The following TTC39C variants were observed in gnomAD, a reference collection of about 807,000 sequenced individuals.
The protein encoded by TTC39C is tetratricopeptide repeat domain 39C.
Under a neutral mutation model 76.3 loss-of-function variants are expected in TTC39C, and 33 were observed. That is an observed-to-expected ratio of 0.43 (90% CI 0.33 to 0.58). The LOEUF is 0.58. Among genes scored for constraint, TTC39C ranks in the 20% least tolerant of loss-of-function variants. TTC39C has a pLI of 0.04. For synonymous variants in TTC39C, 254 were observed against 260.6 expected (o/e 0.97, Z 0.24); for missense variants, 595 against 701.4 (o/e 0.85, Z 1.71).
intron 1 of TTC39C, among the ~76,000 whole-genome samples, chr18:24,024,004 A>ATTTTT (rs2083563205): frequency 6.2e-4 from 3 of 4,862 alleles, no homozygotes; most frequent in Non-Finnish European, 8.3e-4. Context: ...ATATATATAT[A>ATTTTT]TATATATATA....
At chr18:24,070,775 G>A (rs1443769344) in intron 4 of TTC39C, among the ~76,000 whole-genome samples, 1 of 151,828 alleles carries the variant, frequency 6.6e-6, no homozygotes, top group Non-Finnish European at 1.5e-5. Context: ...CATGGGAGGT[G>A]GGGGTTGCAG....
At chr18:24,073,156 T>C (rs2145745391) in intron 4 of TTC39C, among the ~76,000 whole-genome samples, 1 of 152,316 alleles carries the variant, frequency 6.6e-6, no homozygotes, top group African/African-American at 2.4e-5. Flanking sequence ...TGGGCTAGAA[T>C]AGTAGCCACA....
Position 24,107,887 on chromosome 18 carries a change from T to TG in TTC39C, c.985-6667_985-6666insG, listed in dbSNP as rs757849820. On this transcript the variant is annotated intron_variant, in intron 6 of 13. Transcript: ENST00000317571. ...AATCCTCCCACCACAGCCTCCCAAG[T>TG]AGGGGGGGGGGTACAGGCATGTGCC... 5.2e-3 allele frequency among the ~76,000 whole-genome samples: 314 copies of TG among 59,990 alleles called. 1 individual carries two copies. Among genetic ancestry groups the TG allele is most frequent in the Middle Eastern group, 0.028 (2 of 72 alleles). 39.4% of individuals were successfully genotyped at this position (59,990 alleles called of 152,430 possible).
At chr18:24,129,031 C>T (rs1378805716) in intron 11 of TTC39C, 48 bp downstream of exon 11, 1 of 1,448,906 alleles carries the variant, frequency 6.9e-7, no homozygotes, top group African/African-American at 1.4e-5. Context: ...TCACGAACAC[C>T]TACGTATATG....
intron 2 of TTC39C, among the ~76,000 whole-genome samples, chr18:24,064,582 G>A (rs948887476): frequency 6.6e-6 from 1 of 152,180 alleles, no homozygotes; most frequent in African/African-American, 2.4e-5. Context: ...TCGTCAGTTT[G>A]TATTACATTT....
intron 6 of TTC39C, among the ~76,000 whole-genome samples, chr18:24,113,002 ACAGT>A (rs2084835437): frequency 6.6e-6 from 1 of 151,986 alleles, no homozygotes; most frequent in Non-Finnish European, 1.5e-5. Flanking sequence ...CTGTGTGCTA[ACAGT>A]CAGTGTCAAT....
intron 1 of TTC39C, 198 bp downstream of exon 1, chr18:24,015,236 C>T (rs2083439622): frequency 6.2e-6 from 3 of 482,446 alleles, no homozygotes; most frequent in African/African-American, 4.1e-5. Flanking sequence ...CTACCCCCGG[C>T]TCCGTTGTCC....
intron 1 of TTC39C, among the ~76,000 whole-genome samples, chr18:23,998,713 T>C (rs2083288749): frequency 6.6e-6 from 1 of 152,204 alleles, no homozygotes; most frequent in Admixed American, 6.5e-5. Flanking sequence ...GCCTAACTGA[T>C]CATCAATTTG....
chr18:24,020,269 A>G (rs1305373693), intron 1 of TTC39C: 6 of 1,009,202 alleles, frequency 5.9e-6, no homozygotes, highest in Non-Finnish European at 7.1e-6. Flanking sequence ...GGTCCTAATT[A>G]AATATTCATT....
intron 1 of TTC39C, among the ~76,000 whole-genome samples, chr18:24,047,219 A>G (rs548627476): frequency 6.6e-6 from 1 of 151,452 alleles, no homozygotes; most frequent in South Asian, 2.1e-4. Flanking sequence ...TCAGCCTCCC[A>G]AGTAGCTGGG....
At chr18:24,110,229 TTAAA>T (rs1294483000) in intron 6 of TTC39C, among the ~76,000 whole-genome samples, 2 of 152,184 alleles carry the variant, frequency 1.3e-5, no homozygotes, top group African/African-American at 4.8e-5. Flanking sequence ...TCAATCCAGA[TTAAA>T]AAGAAAACTG....
chr18:24,115,451 A>G (rs2084878855), intron 7 of TTC39C, among the ~76,000 whole-genome samples: 1 of 152,266 alleles, frequency 6.6e-6, no homozygotes, highest in African/African-American at 2.4e-5. Context: ...TCAGAGTTTC[A>G]GCGTAGCTAA....
chr18:23,995,661 T>C (rs2083255295), intron 1 of TTC39C, among the ~76,000 whole-genome samples: 1 of 152,068 alleles, frequency 6.6e-6, no homozygotes, highest in African/African-American at 2.4e-5. Context: ...ATAAAAGTTT[T>C]TGTGTGACCT....
At chr18:24,032,285 T>G (rs973840413) in intron 1 of TTC39C, among the ~76,000 whole-genome samples, 1 of 152,244 alleles carries the variant, frequency 6.6e-6, no homozygotes, top group East Asian at 1.9e-4. Context: ...AGAAAACTAA[T>G]TCAGCCTCCC....
chr18:24,073,519 A>G (rs1350842043), intron 4 of TTC39C, among the ~76,000 whole-genome samples: 3 of 141,608 alleles, frequency 2.1e-5, no homozygotes, highest in Non-Finnish European at 4.7e-5. Context: ...CCCTCCTCAT[A>G]TCAATCCTGG....
intron 1 of TTC39C, among the ~76,000 whole-genome samples, chr18:24,043,732 C>T (rs894941932): frequency 6.6e-6 from 1 of 152,214 alleles, no homozygotes; most frequent in African/African-American, 2.4e-5. Flanking sequence ...GCACCATTAA[C>T]TATTAAATCC....
chr18:24,060,280 C>T (rs1423667788), intron 1 of TTC39C, among the ~76,000 whole-genome samples: 2 of 149,558 alleles, frequency 1.3e-5, no homozygotes, highest in Admixed American at 6.7e-5. Flanking sequence ...TGGTGTGAGA[C>T]GGTACCTTAT....
At position 24,083,275 on chromosome 18, in the gene TTC39C, C is replaced by T. The variant is rs535489904; in HGVS notation, c.984+194C>T. On this transcript the variant is annotated intron_variant, in intron 6 of 13. Coordinates refer to ENST00000317571, the MANE Select transcript of TTC39C (RefSeq NM_001135993.2). ...GGATGTTAGTCAGTTACCTTCTGTTCGGAAGATGTGGGCGAAGTAGGGGTA... is the reference window on the plus strand; with the variant it reads ...GGATGTTAGTCAGTTACCTTCTGTTTGGAAGATGTGGGCGAAGTAGGGGTA... 1.1e-3 allele frequency among the ~76,000 whole-genome samples: 169 copies of T among 152,220 alleles called. 1 individual carries two copies. The highest frequency in any genetic ancestry group is 1.5e-3 in the Non-Finnish European group (102 of 68,022).
chr18:24,014,745 C>T (rs1350003397), upstream of TTC39C: 5 of 1,073,550 alleles, frequency 4.7e-6, no homozygotes, highest in South Asian at 4.6e-5. Flanking sequence ...CCGTCTTCTC[C>T]CCTCCCCTCC....
Sources: allele counts gnomAD v4.1 joint callset (sites outside exome capture counted in the v4.1 genomes callset), GRCh38; gene constraint gnomAD v4.1.1; transcripts MANE v1.5; gene names NCBI Gene and HGNC (gene_info 2026-07-23, HGNC 2026-07-21).